The following KCNK13 variants were observed in gnomAD, a reference collection of about 807,000 sequenced individuals.
The protein encoded by KCNK13 is potassium two pore domain channel subfamily K member 13.
KCNK13 carries 12 observed loss-of-function variants against 23.4 expected under a neutral mutation model. That is an observed-to-expected ratio of 0.51 (90% CI 0.33 to 0.83). The LOEUF (loss-of-function observed/expected upper bound fraction) is 0.83, where lower values mean the gene tolerates loss of function less well. Among genes scored for constraint, KCNK13 ranks in the 40% least tolerant of loss-of-function variants. The probability of loss-of-function intolerance (pLI) is 0.02; values close to 1 mark genes in which losing one functional copy is unlikely to be tolerated. For synonymous variants in KCNK13, 231 were observed against 229.5 expected (o/e 1.01, Z -0.06); for missense variants, 463 against 556.3 (o/e 0.83, Z 1.69).
At chr14:90,139,742 G>A (rs1018086260) in intron 1 of KCNK13, among the ~76,000 whole-genome samples, 8 of 152,016 alleles carry the variant, frequency 5.3e-5, no homozygotes, top group East Asian at 1.9e-4. Context: ...CAGGTGGATC[G>A]CTTGAGCCCA....
chr14:90,163,149 G>A (rs1426767703), intron 1 of KCNK13, among the ~76,000 whole-genome samples: 1 of 152,184 alleles, frequency 6.6e-6, no homozygotes, highest in East Asian at 1.9e-4. Flanking sequence ...CTGGCATGTA[G>A]TAGATGCTTT....
chr14:90,071,436 T>A (rs1218662185), intron 1 of KCNK13, among the ~76,000 whole-genome samples: 1 of 152,170 alleles, frequency 6.6e-6, no homozygotes, highest in African/African-American at 2.4e-5. Context: ...CCTAAACTCC[T>A]CCCCAACTTT....
At chr14:90,085,793 CTTTATATTATATA>C (rs1309579052) in intron 1 of KCNK13, among the ~76,000 whole-genome samples, 1,582 of 122,036 alleles carry the variant, frequency 0.013, 14 homozygotes, top group Non-Finnish European at 0.019. Context: ...ATATTATATA[CTTTATATTATATA>C]TTATATTATA....
At chr14:90,118,168 C>T (rs779091276) in intron 1 of KCNK13, among the ~76,000 whole-genome samples, 2 of 152,114 alleles carry the variant, frequency 1.3e-5, no homozygotes, top group Non-Finnish European at 2.9e-5. Flanking sequence ...AGAGTAAATG[C>T]AGTGAAGGCA....
At chr14:90,113,423 T>C (rs993832950) in intron 1 of KCNK13, among the ~76,000 whole-genome samples, 3 of 152,152 alleles carry the variant, frequency 2.0e-5, no homozygotes, top group Non-Finnish European at 4.4e-5. Flanking sequence ...ACCAATTGAA[T>C]CAAATAGAGT....
chr14:90,096,068 C>G (rs1436079300), intron 1 of KCNK13, among the ~76,000 whole-genome samples: 3 of 152,092 alleles, frequency 2.0e-5, no homozygotes, highest in Admixed American at 2.0e-4. Flanking sequence ...GCTTCCAGAC[C>G]CTCTCCAGGG....
chr14:90,096,364 C>A (rs1022392123), intron 1 of KCNK13, among the ~76,000 whole-genome samples: 39 of 152,178 alleles, frequency 2.6e-4, no homozygotes, highest in African/African-American at 9.4e-4. Flanking sequence ...TACAAAAAGA[C>A]ATCACATTAG....
At chr14:90,101,830 A>G (rs554534559) in intron 1 of KCNK13, among the ~76,000 whole-genome samples, 113 of 144,754 alleles carry the variant, frequency 7.8e-4, no homozygotes, top group African/African-American at 2.5e-3. Flanking sequence ...AGTCACCGCT[A>G]AAGAACTTCC....
At chr14:90,175,625 AG>A (rs935747942) in intron 1 of KCNK13, among the ~76,000 whole-genome samples, 3 of 152,246 alleles carry the variant, frequency 2.0e-5, no homozygotes, top group African/African-American at 7.2e-5. Flanking sequence ...AGAGGGAAAC[AG>A]GTGCCTGTTG....
chr14:90,140,654 C>G (rs2140427756), intron 1 of KCNK13, among the ~76,000 whole-genome samples: 1 of 152,280 alleles, frequency 6.6e-6, no homozygotes, highest in East Asian at 1.9e-4. Context: ...CTGCTGTACC[C>G]TCCGAATTAT....
At chr14:90,071,799 G>A (rs898619854) in intron 1 of KCNK13, among the ~76,000 whole-genome samples, 1 of 152,058 alleles carries the variant, frequency 6.6e-6, no homozygotes, top group African/African-American at 2.4e-5. Context: ...TGGGGAGGCT[G>A]AGGCAGGAGA....
In KCNK13 at chr14:90,126,025, A is replaced by T. The variant is rs952674134; in HGVS notation, c.335-58086A>T. ...GGGCAACATAGTGAGACGCTATTTA[A>T]AAAAAAAAAAAAGTGGAATTGGAGT... On this transcript the variant is annotated intron_variant, in intron 1 of 1. Transcript: ENST00000282146. Among the ~76,000 whole-genome samples the T allele has an allele frequency of 5.7e-3, 38 of 6,714 alleles. 3 individuals are homozygous for T. The highest frequency in any genetic ancestry group is 0.02 in the African/African-American group (37 of 1,892). The allele number at this position is 6,714 out of a possible 152,430, so 4.4% of individuals were successfully genotyped here.
At chr14:90,119,853 G>C (rs998573818) in intron 1 of KCNK13, among the ~76,000 whole-genome samples, 3 of 152,120 alleles carry the variant, frequency 2.0e-5, no homozygotes, top group African/African-American at 7.2e-5. Flanking sequence ...GCCCACCTTG[G>C]CATCGCAGAG....
chr14:90,184,087 T>G lies in KCNK13; in HGVS notation c.335-24T>G, dbSNP rs767462536. ...TTCACAGCAAAGATTTCTCTTACTC[T>G]TCTCTCATTTTTCTCTCCTGCAGGG... On this transcript the variant is annotated intron_variant, in intron 1 of 1. Transcript: ENST00000282146. The surrounding 1 kb of genome is among the most constrained non-coding windows in gnomAD (Gnocchi z 5.6). 1.9e-6 allele frequency: 3 copies of G among 1,595,722 alleles called. No homozygotes were observed. The East Asian group carries it at 6.7e-5, about 36-fold the overall frequency.
intron 1 of KCNK13, among the ~76,000 whole-genome samples, chr14:90,073,138 C>A (rs1226396449): frequency 6.6e-6 from 1 of 152,174 alleles, no homozygotes; most frequent in Admixed American, 6.5e-5. Context: ...GAAGGATCGC[C>A]AGTTAAAGTG....
intron 1 of KCNK13, among the ~76,000 whole-genome samples, chr14:90,156,741 C>A (rs986856782): frequency 6.6e-6 from 1 of 152,142 alleles, no homozygotes; most frequent in African/African-American, 2.4e-5. Flanking sequence ...AGGTTAAATA[C>A]CATATCCAAG....
intron 1 of KCNK13, among the ~76,000 whole-genome samples, chr14:90,137,014 A>G (rs1889945307): frequency 1.3e-5 from 2 of 149,862 alleles, no homozygotes; most frequent in African/African-American, 4.9e-5. Flanking sequence ...GTGAGAGTGT[A>G]GTTTCTAGAA....
intron 1 of KCNK13, among the ~76,000 whole-genome samples, chr14:90,172,859 T>C (rs1382235474): frequency 6.6e-6 from 1 of 151,992 alleles, no homozygotes; most frequent in Non-Finnish European, 1.5e-5. Flanking sequence ...AAGCTAGAAA[T>C]AATTTTCAAT....
chr14:90,129,516 G>T (rs1457954082), intron 1 of KCNK13, among the ~76,000 whole-genome samples: 1 of 152,220 alleles, frequency 6.6e-6, no homozygotes, highest in Non-Finnish European at 1.5e-5. Context: ...TGAAGCTGCT[G>T]CTCCAGACTC....
Sources: gnomAD v4.1 joint callset for allele counts (sites outside exome capture counted in the v4.1 genomes callset) on GRCh38, gnomAD v4.1.1 for gene constraint, Gnocchi (gnomAD v3.1) non-coding constraint, MANE v1.5 for transcripts, NCBI Gene and HGNC (gene_info 2026-07-23, HGNC 2026-07-21) for gene names.